The following NR2C2 variants were observed in gnomAD, a reference collection of about 807,000 sequenced individuals.
The protein encoded by NR2C2 is Nuclear hormone receptor TR4.
NR2C2 carries 6 observed loss-of-function variants against 62.9 expected under a neutral mutation model. The observed-to-expected ratio is 0.10, with a 90% CI of 0.05 to 0.19. The LOEUF (loss-of-function observed/expected upper bound fraction) is 0.19. Ranked by LOEUF, NR2C2 falls within the 10% of genes least tolerant of loss-of-function variation. The pLI, the probability that NR2C2 is intolerant of heterozygous loss-of-function variation, is 1.00. For synonymous variants in NR2C2, 272 were observed against 273.8 expected (o/e 0.99, Z 0.07); for missense variants, 479 against 762.7 (o/e 0.63, Z 4.38).
chr3:14,979,252 A>C (rs889239037), intron 1 of NR2C2, among the ~76,000 whole-genome samples: 1 of 152,192 alleles, frequency 6.6e-6, no homozygotes, highest in African/African-American at 2.4e-5. Flanking sequence ...TTCTGTACTT[A>C]ACTGGAATTC....
At chr3:15,011,035 A>G (rs1177853304) in intron 2 of NR2C2, among the ~76,000 whole-genome samples, 1 of 152,202 alleles carries the variant, frequency 6.6e-6, no homozygotes, top group Non-Finnish European at 1.5e-5. Flanking sequence ...TAGGAAGGAA[A>G]CAAAAATTGA....
intron 1 of NR2C2, among the ~76,000 whole-genome samples, chr3:14,999,669 A>ATTTTT (rs56034439): frequency 2.7e-5 from 4 of 147,248 alleles, no homozygotes; most frequent in Non-Finnish European, 6.0e-5. Flanking sequence ...ATCCATTTTG[A>ATTTTT]TTTTTTTTTT....
intron 1 of NR2C2, among the ~76,000 whole-genome samples, chr3:15,002,703 G>C (rs182128401): frequency 1.6e-5 from 2 of 123,550 alleles, no homozygotes; most frequent in Admixed American, 1.0e-4. Flanking sequence ...TTGTTGCCCA[G>C]GGTGGAGTAC....
In NR2C2 at chr3:15,049,208, T is replaced by C. The variant is rs1035372128; in HGVS notation, c.*6200T>C. 10 of 152,794 alleles carry C rather than the reference T, an allele frequency of 6.5e-5. No homozygotes were observed. In the East Asian group the frequency reaches 7.7e-4, roughly 12 times the overall value. 9.5% of individuals were successfully genotyped at this position (152,794 alleles called of 1,614,324 possible). The stretch of plus-strand genomic sequence containing the variant: ...ATTAAATGCTGTTTCAATGTGGCAT[T>C]ATTGTTGTGGCTTAATACTACTACC... On this transcript the variant is annotated 3_prime_UTR_variant, in exon 14 of 14. Transcript: ENST00000425241.
chr3:14,988,124 T>G (rs773629182), intron 1 of NR2C2, among the ~76,000 whole-genome samples: 4 of 152,236 alleles, frequency 2.6e-5, no homozygotes, highest in Non-Finnish European at 5.9e-5. Flanking sequence ...AACTTTACAG[T>G]GGAAGAACTG....
chr3:14,984,708 A>T (rs766285591), intron 1 of NR2C2, among the ~76,000 whole-genome samples: 27 of 152,170 alleles, frequency 1.8e-4, no homozygotes, highest in Admixed American at 4.6e-4. Flanking sequence ...CATTTGGGTT[A>T]CTTCCAGTTT....
At chr3:14,980,560 AG>A (rs1312227201) in intron 1 of NR2C2, among the ~76,000 whole-genome samples, 3 of 122,044 alleles carry the variant, frequency 2.5e-5, no homozygotes, top group African/African-American at 7.7e-5. Context: ...ACTAAAAATA[AG>A]AAAGCCACAT....
In NR2C2 at chr3:14,972,990, G is replaced by A. The variant is rs143300101; in HGVS notation, c.-40+25084G>A. On this transcript the variant is annotated intron_variant, in intron 1 of 13. Transcript: ENST00000425241. ...ATCAGGCCGCACCTCCAGCACTGGG[G>A]ATTACAGTTTGACATGAGATTGGTT... 2.6e-3 allele frequency among the ~76,000 whole-genome samples: 402 copies of A among 152,274 alleles called. 2 individuals are homozygous for A. The highest frequency in any genetic ancestry group is 9.1e-3 in the African/African-American group (379 of 41,548).
intron 2 of NR2C2, chr3:15,004,479 T>C: frequency 1.5e-6 from 2 of 1,352,934 alleles, no homozygotes; most frequent in South Asian, 3.1e-5. Context: ...GTTCAATATT[T>C]ACTAATTATA....
At chr3:14,965,698 G>A (rs1475200151) in intron 1 of NR2C2, among the ~76,000 whole-genome samples, 2 of 151,486 alleles carry the variant, frequency 1.3e-5, no homozygotes, top group Non-Finnish European at 2.9e-5. Flanking sequence ...TTTCGCTCTT[G>A]TTGCCCAAGC....
At chr3:15,004,920 T>G (rs1350614087) in intron 2 of NR2C2, among the ~76,000 whole-genome samples, 1 of 152,142 alleles carries the variant, frequency 6.6e-6, no homozygotes, top group Non-Finnish European at 1.5e-5. Context: ...TTGCTTTCTT[T>G]TTATTTATTT....
In NR2C2 at chr3:15,012,584, T is replaced by G. The variant is rs148109259; in HGVS notation, c.73-1005T>G. Among the ~76,000 whole-genome samples the G allele has an allele frequency of 2.4e-3, 364 of 152,220 alleles. 2 individuals carry two copies. Among genetic ancestry groups the G allele is most frequent in the African/African-American group, 8.2e-3 (339 of 41,538 alleles). ...AGACCTGCCCATAAGTGTACTGTGC[T>G]GTAGGAAACTGAGTTCCAGCCAGAG... On this transcript the variant is annotated intron_variant, in intron 2 of 13. Transcript: ENST00000425241.
chr3:14,948,023 G>T, intron 1 of NR2C2, 117 bp downstream of exon 1: 1 of 151,890 alleles, frequency 6.6e-6, no homozygotes, highest in South Asian at 2.0e-4. Flanking sequence ...CTTTGCCACG[G>T]GGTGGCGGCG....
chr3:14,948,006 C>T (rs892970779), intron 1 of NR2C2, 100 bp downstream of exon 1: 2 of 152,026 alleles, frequency 1.3e-5, no homozygotes, highest in African/African-American at 4.8e-5. Context: ...GAACCCGACC[C>T]TTTTACCTTT....
chr3:14,972,026 C>T (rs1437193845), intron 1 of NR2C2, among the ~76,000 whole-genome samples: 1 of 151,680 alleles, frequency 6.6e-6, no homozygotes, highest in Admixed American at 6.6e-5. Flanking sequence ...TCAGGCTGGT[C>T]TCGAACTCCT....
intron 1 of NR2C2, chr3:14,948,648 G>T: frequency 6.5e-6 from 1 of 153,348 alleles, no homozygotes; most frequent in Non-Finnish European, 1.5e-5. Context: ...GCCGGCGCCT[G>T]GTCTTGGGTC....
rs774534281 is a variant in NR2C2 at position 15,030,422 on chromosome 3, C to T, written c.1080C>T (p.Pro360=). The T allele has an allele frequency of 2.9e-5, 47 of 1,603,370 alleles. No individual in the cohort carries two copies. The highest frequency in any genetic ancestry group is 3.7e-5 in the Non-Finnish European group (44 of 1,176,774). Residue 360 remains proline (P), a synonymous_variant, in exon 9 of 14, where the codon CCC becomes CCT. Transcript: ENST00000425241. ...QSTPIIEVEG[P]LLSDTHVTFK... is the part of the protein sequence containing the mutation. ...CACCCATCATTGAGGTTGAAGGCCC[C>T]CTCCTTTCAGACACACACGTCACAT...
chr3:15,022,248 T>G (rs1486968594), intron 5 of NR2C2, among the ~76,000 whole-genome samples: 2 of 152,222 alleles, frequency 1.3e-5, no homozygotes, highest in Non-Finnish European at 2.9e-5. Context: ...TTTGCTAGCA[T>G]AATATAAAAT....
intron 1 of NR2C2, among the ~76,000 whole-genome samples, chr3:14,996,548 T>C (rs1434856590): frequency 6.6e-6 from 1 of 152,202 alleles, no homozygotes; most frequent in Non-Finnish European, 1.5e-5. Flanking sequence ...ATTTTGAAGT[T>C]TCACGTTTTA....
Sources: gnomAD v4.1 joint callset for allele counts (sites outside exome capture counted in the v4.1 genomes callset) on GRCh38, gnomAD v4.1.1 for gene constraint, MANE v1.5 for transcripts, NCBI Gene and HGNC (gene_info 2026-07-23, HGNC 2026-07-21) for gene names.